KCNN2: variants seen among roughly 807,000 people sequenced by gnomAD.
The protein encoded by KCNN2 is potassium calcium-activated channel subfamily N member 2.
A neutral mutation model predicts 55.5 loss-of-function variants in KCNN2; 24 were observed. That is an observed-to-expected ratio of 0.43 (90% confidence interval 0.31 to 0.61). KCNN2 has a LOEUF of 0.61. Among genes scored for constraint, KCNN2 ranks in the 20% least tolerant of loss-of-function variants. KCNN2 has a pLI of 0.08. For synonymous variants in KCNN2, 431 were observed against 336.1 expected (o/e 1.28, Z -3.09); for missense variants, 754 against 853.6 (o/e 0.88, Z 1.45).
intron 2 of KCNN2, among the ~76,000 whole-genome samples, chr5:114,244,217 T>C (rs903398856): frequency 6.6e-6 from 1 of 152,114 alleles, no homozygotes; most frequent in Non-Finnish European, 1.5e-5. Context: ...TAAATGTGGC[T>C]TTCCTGTTGG....
intron 5 of KCNN2, among the ~76,000 whole-genome samples, chr5:114,486,129 A>C (rs952834095): frequency 5.9e-5 from 9 of 152,192 alleles, no homozygotes; most frequent in Non-Finnish European, 1.0e-4. Context: ...TTTCTTAAAA[A>C]GTTATCTTCC....
chr5:114,369,142 G>A (rs929684842), intron 2 of KCNN2, among the ~76,000 whole-genome samples: 3 of 152,142 alleles, frequency 2.0e-5, no homozygotes, highest in Admixed American at 1.3e-4. Context: ...GGCCGTCAGA[G>A]TTTATGTCTC....
intron 1 of KCNN2, among the ~76,000 whole-genome samples, chr5:114,062,617 G>T (rs1165467898): frequency 1.3e-5 from 2 of 152,160 alleles, no homozygotes; most frequent in African/African-American, 4.8e-5. Context: ...TAAGAAATTT[G>T]TCCTATATGC....
intron 1 of KCNN2, among the ~76,000 whole-genome samples, chr5:114,058,921 C>T (rs1242966929): frequency 6.6e-6 from 1 of 152,162 alleles, no homozygotes; most frequent in Admixed American, 6.5e-5. Context: ...AGGTTACTTA[C>T]TGCGCAGGAG....
chr5:114,183,146 C>T (rs1299798532), intron 1 of KCNN2, among the ~76,000 whole-genome samples: 1 of 151,902 alleles, frequency 6.6e-6, no homozygotes, highest in African/African-American at 2.4e-5. Flanking sequence ...AGCTTTTATT[C>T]TTTATAATCT....
chr5:114,088,851 C>A (rs925057473), intron 1 of KCNN2, among the ~76,000 whole-genome samples: 8 of 152,110 alleles, frequency 5.3e-5, no homozygotes, highest in Admixed American at 2.6e-4. Context: ...GAACTCCTGA[C>A]CTCAAGTGAT....
chr5:114,333,759 C>T (rs1252720037), intron 2 of KCNN2, among the ~76,000 whole-genome samples: 1 of 152,036 alleles, frequency 6.6e-6, no homozygotes, highest in African/African-American at 2.4e-5. Context: ...TTTAAAAGTT[C>T]TAAGTCAATA....
At position 114,260,354 on chromosome 5, in the gene KCNN2, C is replaced by T. The variant is rs1755077334; in HGVS notation, c.-185+38789C>T. Among the ~76,000 whole-genome samples, 3 of 152,212 alleles carry T rather than the reference C, an allele frequency of 2.0e-5. No individual in the cohort carries two copies. In the South Asian group the frequency reaches 6.2e-4, roughly 32 times the overall value. ...CCTCTGTGACCTCATCTTTAAATTG[C>T]TCTATACCTCAGCCTCATTGTATGT... is the stretch of plus-strand genomic sequence containing the variant. On this transcript the variant is annotated intron_variant, in intron 2 of 10. Coordinates refer to the KCNN2 transcript ENST00000512097.
chr5:114,296,595 G>A (rs1333221420), intron 2 of KCNN2, among the ~76,000 whole-genome samples: 3 of 152,068 alleles, frequency 2.0e-5, no homozygotes, highest in Admixed American at 6.6e-5. Context: ...TTGGGCTGAA[G>A]GCCATCTGGC....
chr5:114,185,550 C>T (rs1753314509), intron 1 of KCNN2, among the ~76,000 whole-genome samples: 1 of 152,162 alleles, frequency 6.6e-6, no homozygotes, highest in Non-Finnish European at 1.5e-5. Flanking sequence ...GGAACTCTGG[C>T]CTTGTGGAGG....
At chr5:114,330,733 A>G (rs1221597724) in intron 2 of KCNN2, among the ~76,000 whole-genome samples, 1 of 152,182 alleles carries the variant, frequency 6.6e-6, no homozygotes, top group African/African-American at 2.4e-5. Context: ...ATTCTTCCAC[A>G]GCTGTAGTTC....
At chr5:114,180,166 T>G (rs1357103837) in intron 1 of KCNN2, among the ~76,000 whole-genome samples, 8 of 152,200 alleles carry the variant, frequency 5.3e-5, no homozygotes, top group African/African-American at 1.9e-4. Context: ...TGACAAATTC[T>G]TCATACTTGG....
intron 2 of KCNN2, among the ~76,000 whole-genome samples, chr5:114,364,894 G>A (rs1019304457): frequency 4.6e-5 from 7 of 151,390 alleles, no homozygotes; most frequent in Middle Eastern, 6.8e-3. Context: ...TGTATTTTCT[G>A]AGTTTTTTTT....
At chr5:114,464,723 C>A (rs1315262948) in intron 4 of KCNN2, among the ~76,000 whole-genome samples, 1 of 151,912 alleles carries the variant, frequency 6.6e-6, no homozygotes, top group Admixed American at 6.6e-5. Context: ...ATTTCAAGTC[C>A]CAATTGTAGA....
At chr5:114,395,967 A>G (rs1261249957) in intron 2 of KCNN2, among the ~76,000 whole-genome samples, 1 of 152,190 alleles carries the variant, frequency 6.6e-6, no homozygotes. Context: ...AATTTACTTC[A>G]GTAGTCCAGA....
intron 2 of KCNN2, among the ~76,000 whole-genome samples, chr5:114,232,742 A>G (rs1338484805): frequency 6.6e-6 from 1 of 150,578 alleles, no homozygotes; most frequent in Non-Finnish European, 1.5e-5. Flanking sequence ...TCAAAGTCCA[A>G]TTCCAATTTA....
intron 2 of KCNN2, among the ~76,000 whole-genome samples, chr5:114,297,966 A>G (rs1756063944): frequency 6.6e-6 from 1 of 152,206 alleles, no homozygotes; most frequent in Non-Finnish European, 1.5e-5. Context: ...CTGAAAGAAA[A>G]TGGAAAAATA....
chr5:114,315,509 T>C (rs1756485839), intron 2 of KCNN2, among the ~76,000 whole-genome samples: 1 of 151,894 alleles, frequency 6.6e-6, no homozygotes, highest in Admixed American at 6.6e-5. Flanking sequence ...ACTATTCTTA[T>C]TATTTGTGAT....
chr5:114,352,101 C>T (rs1757215869), intron 2 of KCNN2, among the ~76,000 whole-genome samples: 1 of 151,744 alleles, frequency 6.6e-6, no homozygotes, highest in African/African-American at 2.4e-5. Context: ...AATACAATTA[C>T]TTTACTTTGT....
Sources: allele counts gnomAD v4.1 joint callset (sites outside exome capture counted in the v4.1 genomes callset), GRCh38; gene constraint gnomAD v4.1.1; transcripts MANE v1.5; gene names NCBI Gene and HGNC (gene_info 2026-07-23, HGNC 2026-07-21).